Variants in FBXW11 observed in about 807,000 individuals in gnomAD.
FBXW11 encodes F-box/WD repeat-containing protein 11.
FBXW11 carries 19 observed loss-of-function variants against 77.6 expected under a neutral mutation model. The ratio of observed to expected loss-of-function variants is 0.24; its 90% CI spans 0.17 to 0.36. The LOEUF is 0.36. Ranked by LOEUF, FBXW11 falls within the 10% of genes least tolerant of loss-of-function variation. FBXW11 has a pLI of 1.00. For missense variants in FBXW11, 334 were observed against 704.2 expected, an observed-to-expected ratio of 0.47 and a Z score of 5.95; for synonymous variants, 235 against 249.4, an observed-to-expected ratio of 0.94 and a Z score of 0.54.
chr5:171,916,382 T>C, intron 2 of FBXW11: 1 of 952,888 alleles, frequency 1.0e-6, no homozygotes, highest in Non-Finnish European at 1.2e-6. Context: ...AGTAAAATCT[T>C]ATAAACCCCA....
chr5:171,889,160 A>C (rs1007485205), intron 7 of FBXW11, among the ~76,000 whole-genome samples: 1 of 152,262 alleles, frequency 6.6e-6, no homozygotes, highest in Non-Finnish European at 1.5e-5. Flanking sequence ...TGAAGCTCAG[A>C]GAAAGGCTTC....
At chr5:171,982,150 A>G (rs905459028) in intron 1 of FBXW11, among the ~76,000 whole-genome samples, 1 of 152,234 alleles carries the variant, frequency 6.6e-6, no homozygotes, top group African/African-American at 2.4e-5. Flanking sequence ...AAATGAGTGG[A>G]TTTTATTGAA....
chr5:171,968,456 CA>C (rs70982358), intron 1 of FBXW11, among the ~76,000 whole-genome samples: 80 of 133,658 alleles, frequency 6.0e-4, no homozygotes, highest in African/African-American at 8.1e-4. Context: ...GACTCTGTCT[CA>C]AAAAAAAAAA....
intron 2 of FBXW11, among the ~76,000 whole-genome samples, chr5:171,948,071 T>C (rs1459061546): frequency 6.6e-6 from 1 of 151,230 alleles, no homozygotes; most frequent in East Asian, 2.0e-4. Flanking sequence ...CCATCTCTAC[T>C]AAAAATACAA....
At chr5:171,923,783 A>G (rs1047834899) in intron 2 of FBXW11, among the ~76,000 whole-genome samples, 10 of 151,892 alleles carry the variant, frequency 6.6e-5, no homozygotes, top group Non-Finnish European at 1.2e-4. Context: ...CTTATAATCA[A>G]TATCTTACAA....
At chr5:171,952,288 C>T (rs1763359079) in intron 2 of FBXW11, among the ~76,000 whole-genome samples, 1 of 150,578 alleles carries the variant, frequency 6.6e-6, no homozygotes, top group Non-Finnish European at 1.5e-5. Context: ...CTCACGCTAC[C>T]AATGGACGTT....
intron 7 of FBXW11, 110 bp downstream of exon 7, chr5:171,891,357 G>C (rs1464630040): frequency 1.0e-6 from 1 of 986,388 alleles, no homozygotes; most frequent in Non-Finnish European, 1.4e-6. Flanking sequence ...TGCCAAGATT[G>C]AGTGGAAGAG....
Position 171,910,810 on chromosome 5 carries a change from A to T in FBXW11, c.211-13T>A. 6.6e-7 allele frequency: 1 copy of T among 1,508,296 alleles called. No individual in the cohort carries two copies. Among genetic ancestry groups the T allele is most frequent in the Non-Finnish European group, 8.9e-7 (1 of 1,124,502 alleles). The allele number at this position is 1,508,296 out of a possible 1,614,324, so 93.4% of individuals were successfully genotyped here. A position where few individuals can be genotyped will look rare whatever the true frequency, so the allele number is the denominator to read the frequency against. On this transcript the variant is annotated splice_polypyrimidine_tract_variant and intron_variant, in intron 3 of 13. Transcript: ENST00000517395. The stretch of plus-strand genomic sequence containing the variant: ...TTCCATTACTTATCTATTTTAGAAA[A>T]ACAAAAAAAAAATTAGTTTAACAAG...
chr5:171,997,166 A>C, intron 1 of FBXW11: 2 of 857,764 alleles, frequency 2.3e-6, no homozygotes, highest in Non-Finnish European at 3.3e-6. Context: ...CACAGGAAAA[A>C]AGTTATAACC....
intron 1 of FBXW11, among the ~76,000 whole-genome samples, chr5:171,984,894 G>C (rs559401123): frequency 1.8e-4 from 27 of 152,284 alleles, no homozygotes; most frequent in African/African-American, 6.3e-4. Flanking sequence ...GCTTTACGGT[G>C]ACGACATGCC....
At chr5:171,985,772 C>A (rs932719357) in intron 1 of FBXW11, among the ~76,000 whole-genome samples, 1 of 151,568 alleles carries the variant, frequency 6.6e-6, no homozygotes, top group Admixed American at 6.6e-5. Flanking sequence ...GACCCTGTAC[C>A]GAAAAATAAA....
At chr5:171,993,887 GC>G in intron 1 of FBXW11, among the ~76,000 whole-genome samples, 1 of 152,236 alleles carries the variant, frequency 6.6e-6, no homozygotes, top group Middle Eastern at 3.4e-3. Flanking sequence ...GTTACTTTGA[GC>G]CACACTTCAA....
At position 171,876,547 on chromosome 5, in the gene FBXW11, A is replaced by G. The variant is rs377105632; in HGVS notation, c.972-13T>C. On this transcript the variant is annotated splice_polypyrimidine_tract_variant and intron_variant, in intron 8 of 13. Transcript: ENST00000517395. This position sits in a 1 kb window ranked among gnomAD's most constrained non-coding sequence, Gnocchi z 4.2. The stretch of plus-strand genomic sequence containing the variant: ...CACATCCCACACTCTAGGAGAGAAG[A>G]GAAAAGCATGATGCTTAATTATGGA... The G allele has an allele frequency of 5.0e-5, 81 of 1,609,918 alleles. 1 individual carries two copies. In the South Asian group the frequency reaches 6.0e-4, roughly 12 times the overall value.
At chr5:172,006,397 G>A (rs972267837) in intron 1 of FBXW11, 61 bp downstream of exon 1, 16 of 1,444,124 alleles carry the variant, frequency 1.1e-5, no homozygotes, top group African/African-American at 7.3e-5. Context: ...ACGTTGAGGT[G>A]GGCAGGCCCG....
chr5:171,942,024 C>T (rs898856527), intron 2 of FBXW11, among the ~76,000 whole-genome samples: 4 of 151,162 alleles, frequency 2.6e-5, no homozygotes, highest in African/African-American at 7.3e-5. Context: ...TGAAATATTG[C>T]TTTTTATTTA....
chr5:172,006,337 C>T, intron 1 of FBXW11, 121 bp downstream of exon 1: 4 of 837,078 alleles, frequency 4.8e-6, no homozygotes, highest in Non-Finnish European at 5.1e-6. Context: ...GCTGGGGGCC[C>T]GGGTCTGGGT....
intron 2 of FBXW11, among the ~76,000 whole-genome samples, chr5:171,926,597 C>T (rs753966222): frequency 6.6e-6 from 1 of 152,194 alleles, no homozygotes; most frequent in African/African-American, 2.4e-5. Flanking sequence ...CTGCTCCGGC[C>T]ACACGAAGTG....
In FBXW11 at chr5:171,914,414, G is replaced by A; in HGVS notation, c.148-9C>T. The A allele has an allele frequency of 6.4e-7, 1 of 1,568,666 alleles. No homozygotes were observed. The highest frequency in any genetic ancestry group is 8.6e-7 in the Non-Finnish European group (1 of 1,165,262). ...TCCATAACTGAAGTGTTCTAGGGGG[G>A]GAAAAACAGGTTATTTGAATTATAC... On this transcript the variant is annotated splice_polypyrimidine_tract_variant and intron_variant, in intron 2 of 13. Transcript: ENST00000517395.
At chr5:171,914,611 C>T (rs1761109969) in intron 2 of FBXW11, among the ~76,000 whole-genome samples, 1 of 152,072 alleles carries the variant, frequency 6.6e-6, no homozygotes, top group Admixed American at 6.6e-5. Flanking sequence ...TAGACAAAAG[C>T]AAGCATAAAG....
Sources: gnomAD v4.1 joint callset for allele counts (sites outside exome capture counted in the v4.1 genomes callset) on GRCh38, gnomAD v4.1.1 for gene constraint, Gnocchi (gnomAD v3.1) non-coding constraint, MANE v1.5 for transcripts, NCBI Gene and HGNC (gene_info 2026-07-23, HGNC 2026-07-21) for gene names.